The following FOCAD variants were observed in gnomAD, a reference collection of about 807,000 sequenced individuals.
The protein encoded by FOCAD is KIAA1797.
In FOCAD, 198 loss-of-function variants were observed where a neutral mutation model predicts 225.6. The observed-to-expected ratio is 0.88, with a 90% CI of 0.78 to 0.99. The LOEUF (loss-of-function observed/expected upper bound fraction) is 0.99. Ranked by LOEUF, FOCAD falls within the 50% of genes least tolerant of loss-of-function variation. The probability of loss-of-function intolerance (pLI) is 0.00; values close to 1 mark genes in which losing one functional copy is unlikely to be tolerated. For missense variants in FOCAD, 2,713 were observed against 2,123.6 expected, an observed-to-expected ratio of 1.28 and a Z score of -5.46; for synonymous variants, 897 against 755.0, an observed-to-expected ratio of 1.19 and a Z score of -3.08.
At position 20,923,649 on chromosome 9, in the gene FOCAD, C is replaced by G. The variant is rs2132144909; in HGVS notation, c.2853-11C>G. ...AAAGTTCTCTGTTGAAATTTTTTTC[C>G]TTTTGAACAGGGAGAGTCCGGTAGT... is the stretch of plus-strand genomic sequence containing the variant. On this transcript the variant is annotated splice_polypyrimidine_tract_variant and intron_variant, in intron 24 of 43. Coordinates refer to ENST00000338382, the MANE Select transcript of FOCAD (RefSeq NM_001375567.1). 1.9e-6 allele frequency: 3 copies of G among 1,608,546 alleles called. No individual in the cohort carries two copies. Among genetic ancestry groups the G allele is most frequent in the African/African-American group, 1.3e-5 (1 of 74,702 alleles).
At chr9:20,785,254 C>T (rs1038888858) in intron 10 of FOCAD, among the ~76,000 whole-genome samples, 7 of 151,942 alleles carry the variant, frequency 4.6e-5, no homozygotes, top group Non-Finnish European at 1.0e-4. Context: ...AATTCACATG[C>T]GCCCTTCCCT....
At chr9:20,886,359 G>C (rs909949123) in intron 21 of FOCAD, among the ~76,000 whole-genome samples, 1 of 152,086 alleles carries the variant, frequency 6.6e-6, no homozygotes, top group Non-Finnish European at 1.5e-5. Context: ...CTCATTAGTT[G>C]GCATAGAGAA....
chr9:20,839,619 C>G (rs1587362721), intron 15 of FOCAD, among the ~76,000 whole-genome samples: 4 of 151,624 alleles, frequency 2.6e-5, no homozygotes, highest in Admixed American at 2.0e-4. Flanking sequence ...AAATTACTTT[C>G]CCTTTTTTTT....
At chr9:20,984,180 A>T (rs143405524) in intron 39 of FOCAD, among the ~76,000 whole-genome samples, 1 of 152,330 alleles carries the variant, frequency 6.6e-6, no homozygotes, top group African/African-American at 2.4e-5. Flanking sequence ...AGACTCCCTC[A>T]GTTCTGTTTC....
intron 2 of FOCAD, among the ~76,000 whole-genome samples, chr9:20,669,013 A>G (rs964470132): frequency 6.6e-6 from 1 of 152,128 alleles, no homozygotes; most frequent in Non-Finnish European, 1.5e-5. Context: ...TGTGACTTCC[A>G]TAGGAAGTCC....
intron 22 of FOCAD, among the ~76,000 whole-genome samples, chr9:20,911,876 A>T (rs1833467836): frequency 6.6e-6 from 1 of 152,140 alleles, no homozygotes; most frequent in East Asian, 1.9e-4. Context: ...TAAGAAAAAG[A>T]CAGCTAGTAG....
At chr9:20,805,328 A>G (rs944236009) in intron 11 of FOCAD, among the ~76,000 whole-genome samples, 1 of 152,206 alleles carries the variant, frequency 6.6e-6, no homozygotes, top group Non-Finnish European at 1.5e-5. Flanking sequence ...TAACACAGTT[A>G]TTCAAGTGGG....
chr9:20,667,781 A>C (rs1281668189), intron 2 of FOCAD, among the ~76,000 whole-genome samples: 3 of 152,252 alleles, frequency 2.0e-5, no homozygotes, highest in Non-Finnish European at 4.4e-5. Context: ...CAAAGAATTA[A>C]GAAATTAAAA....
chr9:20,655,691 C>A (rs201926938), upstream of FOCAD, among the ~76,000 whole-genome samples: 2 of 152,092 alleles, frequency 1.3e-5, no homozygotes, highest in East Asian at 1.9e-4. Context: ...GTCTTGCTAG[C>A]GGTCTATCAA....
At chr9:20,984,747 C>T (rs1189706260) in intron 39 of FOCAD, among the ~76,000 whole-genome samples, 2 of 151,850 alleles carry the variant, frequency 1.3e-5, no homozygotes, top group African/African-American at 2.4e-5. Context: ...CACATAATTA[C>T]GGACATCCTT....
chr9:20,715,477 C>T, intron 2 of FOCAD, 67 bp downstream of exon 2: 1 of 769,472 alleles, frequency 1.3e-6, no homozygotes, highest in South Asian at 3.9e-5. Flanking sequence ...TTTAACTGAA[C>T]TTTATATATT....
chr9:20,919,521 A>G (rs552464237), intron 24 of FOCAD, among the ~76,000 whole-genome samples: 1 of 152,222 alleles, frequency 6.6e-6, no homozygotes, highest in Non-Finnish European at 1.5e-5. Flanking sequence ...CTAAGCCAAA[A>G]GAACAAAGCA....
intron 10 of FOCAD, among the ~76,000 whole-genome samples, chr9:20,787,563 A>G (rs1161517185): frequency 1.3e-5 from 2 of 150,250 alleles, no homozygotes; most frequent in African/African-American, 2.5e-5. Flanking sequence ...AGCTAGAGCT[A>G]TATAAACTTA....
At chr9:20,677,484 A>T (rs774189180) in intron 2 of FOCAD, among the ~76,000 whole-genome samples, 1 of 152,220 alleles carries the variant, frequency 6.6e-6, no homozygotes, top group Non-Finnish European at 1.5e-5. Context: ...AAGGGTTAAT[A>T]TAGAAAATAC....
rs900129450 is a variant in FOCAD at position 20,751,725 on chromosome 9, A to C, written c.393-6365A>C. Reference sequence around the variant, plus strand: ...ATTTCTAGTTCTAGATCCCTGAGGAATTGCCACACTGACTTCCACAATGGT... The same window carrying C: ...ATTTCTAGTTCTAGATCCCTGAGGACTTGCCACACTGACTTCCACAATGGT... On this transcript the variant is annotated intron_variant, in intron 5 of 43. Transcript: ENST00000338382. 7.6e-3 allele frequency among the ~76,000 whole-genome samples: 1,130 copies of C among 149,284 alleles called. 10 individuals carry two copies. Among genetic ancestry groups the C allele is most frequent in the Middle Eastern group, 0.021 (6 of 284 alleles).
intron 15 of FOCAD, among the ~76,000 whole-genome samples, chr9:20,848,475 G>C (rs1827338290): frequency 6.6e-6 from 1 of 151,922 alleles, no homozygotes; most frequent in Non-Finnish European, 1.5e-5. Flanking sequence ...TTTATTGCTG[G>C]CTTTGGGGAA....
At chr9:20,940,484 T>C (rs985889512) in intron 28 of FOCAD, among the ~76,000 whole-genome samples, 6 of 152,218 alleles carry the variant, frequency 3.9e-5, no homozygotes, top group African/African-American at 1.2e-4. Context: ...AGGGTCTTAC[T>C]GTGTTGCCTA....
chr9:20,703,021 A>C (rs574170264), intron 1 of FOCAD, among the ~76,000 whole-genome samples: 4 of 152,230 alleles, frequency 2.6e-5, no homozygotes, highest in African/African-American at 9.6e-5. Flanking sequence ...AAAAAACAAA[A>C]CAAAACGGTC....
intron 28 of FOCAD, among the ~76,000 whole-genome samples, chr9:20,940,308 G>A (rs1401238446): frequency 6.9e-6 from 1 of 145,282 alleles, no homozygotes; most frequent in Non-Finnish European, 1.5e-5. Context: ...TTTTGAGATA[G>A]GATATCACTC....
Sources: allele counts gnomAD v4.1 joint callset (sites outside exome capture counted in the v4.1 genomes callset), GRCh38; gene constraint gnomAD v4.1.1; transcripts MANE v1.5; gene names NCBI Gene and HGNC (gene_info 2026-07-23, HGNC 2026-07-21).